The following ACYP2 variants were observed in gnomAD, a reference collection of about 807,000 sequenced individuals.
ACYP2 encodes acylphosphatase 2.
A neutral mutation model predicts 11.2 loss-of-function variants in ACYP2; 12 were observed. The ratio of observed to expected loss-of-function variants is 1.08; its 90% CI spans 0.69 to 1.74. ACYP2 has a LOEUF of 1.74. ACYP2 is among the 40% of genes most tolerant of loss of function. The probability of loss-of-function intolerance (pLI) is 0.00; values close to 1 mark genes in which losing one functional copy is unlikely to be tolerated. For synonymous variants in ACYP2, 43 were observed against 32.2 expected (o/e 1.33, Z -1.13); for missense variants, 134 against 101.9 (o/e 1.31, Z -1.35).
intron 4 of ACYP2, among the ~76,000 whole-genome samples, chr2:54,099,651 A>G (rs1420395314): frequency 6.6e-6 from 1 of 152,098 alleles, no homozygotes; most frequent in Admixed American, 6.5e-5. Context: ...TTTATAAAGC[A>G]ATTTTTTTTT....
intron 2 of ACYP2, among the ~76,000 whole-genome samples, chr2:53,991,332 T>A (rs970581591): frequency 6.6e-6 from 1 of 152,206 alleles, no homozygotes; most frequent in African/African-American, 2.4e-5. Flanking sequence ...GTATAAGTCA[T>A]TGTATGGACA....
At chr2:54,267,832 G>A (rs1235696062) in intron 6 of ACYP2, among the ~76,000 whole-genome samples, 1 of 152,082 alleles carries the variant, frequency 6.6e-6, no homozygotes, top group Non-Finnish European at 1.5e-5. Flanking sequence ...CTGGGAAAAA[G>A]GTTCAGAGCT....
intron 6 of ACYP2, among the ~76,000 whole-genome samples, chr2:54,189,716 G>A (rs1684157341): frequency 6.6e-6 from 1 of 152,142 alleles, no homozygotes. Flanking sequence ...TCCTCTGGGT[G>A]TATACCCAGA....
At chr2:54,146,670 T>C (rs1681908174) in intron 6 of ACYP2, among the ~76,000 whole-genome samples, 1 of 152,166 alleles carries the variant, frequency 6.6e-6, no homozygotes, top group African/African-American at 2.4e-5. Flanking sequence ...TTTTGTTTGT[T>C]TCTGCTGCTC....
chr2:54,081,334 G>A (rs1260442491), intron 4 of ACYP2, among the ~76,000 whole-genome samples: 2 of 152,170 alleles, frequency 1.3e-5, no homozygotes, highest in Admixed American at 6.5e-5. Context: ...CAGTACATAT[G>A]ACATTTCCAT....
intron 2 of ACYP2, among the ~76,000 whole-genome samples, chr2:54,008,049 AG>A (rs1334629843): frequency 6.6e-6 from 1 of 152,196 alleles, no homozygotes; most frequent in African/African-American, 2.4e-5. Context: ...CAGCTATGTT[AG>A]AATTTCTCTT....
intron 6 of ACYP2, among the ~76,000 whole-genome samples, chr2:54,154,522 TGTG>T (rs1404850048): frequency 6.6e-6 from 1 of 152,266 alleles, no homozygotes; most frequent in African/African-American, 2.4e-5. Flanking sequence ...CTGCATCTAA[TGTG>T]GTGATCATAT....
intron 2 of ACYP2, among the ~76,000 whole-genome samples, chr2:54,034,136 T>A (rs1674744115): frequency 6.6e-6 from 1 of 152,188 alleles, no homozygotes. Flanking sequence ...GGTGGGTGGA[T>A]CACTTGAGGT....
At chr2:54,066,836 C>T (rs1163902503) in intron 4 of ACYP2, among the ~76,000 whole-genome samples, 3 of 152,190 alleles carry the variant, frequency 2.0e-5, no homozygotes, top group Admixed American at 6.5e-5. Flanking sequence ...TGGTGAATTT[C>T]TCCACTTGAC....
rs1249489466 is a variant in ACYP2, at chr2:54,143,759, G to GC, written c.404+5011_404+5012insC. ...TTTTTTTTTTTTTTTTTTTTTTTTG[G>GC]GGGGGGGGTATTCTATCATGTTTTG... On this transcript the variant is annotated intron_variant, in intron 6 of 6. Transcript: ENST00000607452. Among the ~76,000 whole-genome samples the GC allele has an allele frequency of 1.1e-3, 113 of 107,274 alleles. 3 individuals are homozygous for GC. Among genetic ancestry groups the GC allele is most frequent in the African/African-American group, 4.0e-3 (111 of 27,676 alleles). 70.4% of individuals were successfully genotyped at this position (107,274 alleles called of 152,430 possible).
chr2:54,143,038 CTTA>C (rs1371162228), intron 6 of ACYP2: 1 of 152,006 alleles, frequency 6.6e-6, no homozygotes, highest in Non-Finnish European at 1.5e-5. Context: ...ATCAGATATT[CTTA>C]TTAATTCTAT....
intron 6 of ACYP2, among the ~76,000 whole-genome samples, chr2:54,221,124 C>G (rs983436471): frequency 6.6e-6 from 1 of 152,138 alleles, no homozygotes; most frequent in Non-Finnish European, 1.5e-5. Context: ...GCTGCCCCTT[C>G]ACCTTGGGTT....
intron 4 of ACYP2, among the ~76,000 whole-genome samples, chr2:54,068,081 C>T (rs901749397): frequency 6.6e-6 from 1 of 152,142 alleles, no homozygotes; most frequent in Non-Finnish European, 1.5e-5. Context: ...GCCAGCTTAG[C>T]TTATTCTTAC....
At chr2:54,115,633 G>T (rs576816011) in intron 4 of ACYP2, 1 of 1,574,224 alleles carries the variant, frequency 6.4e-7, no homozygotes, top group Non-Finnish European at 8.6e-7. Context: ...CCTCCCTCTC[G>T]CAGCCGCCGC....
chr2:54,240,740 T>C (rs1158595657), intron 6 of ACYP2, among the ~76,000 whole-genome samples: 1 of 152,138 alleles, frequency 6.6e-6, no homozygotes, highest in Non-Finnish European at 1.5e-5. Flanking sequence ...GTGGGGAACA[T>C]AGAGAACTAA....
intron 2 of ACYP2, among the ~76,000 whole-genome samples, chr2:54,035,693 T>C (rs578210132): frequency 6.6e-5 from 10 of 152,332 alleles, no homozygotes; most frequent in African/African-American, 2.4e-4. Flanking sequence ...AGGATTAGAA[T>C]GGCTACCTAT....
intron 2 of ACYP2, among the ~76,000 whole-genome samples, chr2:54,013,097 C>G (rs760807306): frequency 1.1e-4 from 17 of 152,048 alleles, no homozygotes; most frequent in Non-Finnish European, 1.9e-4. Flanking sequence ...AGGTTTTGCT[C>G]AAAATGTCAC....
chr2:54,290,394 A>G (rs1689252952), intron 6 of ACYP2, among the ~76,000 whole-genome samples: 1 of 151,992 alleles, frequency 6.6e-6, no homozygotes, highest in Non-Finnish European at 1.5e-5. Context: ...CACCCCTACC[A>G]TTTCCATTAT....
chr2:54,227,961 A>G (rs1686079753), intron 6 of ACYP2, among the ~76,000 whole-genome samples: 1 of 152,216 alleles, frequency 6.6e-6, no homozygotes, highest in East Asian at 1.9e-4. Context: ...CAGAAAGCTA[A>G]ACCCCAGCTG....
Sources: gnomAD v4.1 joint callset for allele counts (sites outside exome capture counted in the v4.1 genomes callset) on GRCh38, gnomAD v4.1.1 for gene constraint, MANE v1.5 for transcripts, NCBI Gene and HGNC (gene_info 2026-07-23, HGNC 2026-07-21) for gene names.